SUGCT: variants seen among roughly 807,000 people sequenced by gnomAD.
SUGCT encodes the protein succinyl-CoA:glutarate CoA-transferase.
A neutral mutation model predicts 55.0 loss-of-function variants in SUGCT; 41 were observed. The observed-to-expected ratio is 0.74, with a 90% confidence interval of 0.58 to 0.97. The LOEUF (loss-of-function observed/expected upper bound fraction) is 0.97, where lower values mean the gene tolerates loss of function less well. Among genes scored for constraint, SUGCT ranks in the 50% least tolerant of loss-of-function variants. The pLI, the probability that SUGCT is intolerant of heterozygous loss-of-function variation, is 0.00. For synonymous variants in SUGCT, 187 were observed against 200.4 expected (o/e 0.93, Z 0.56); for missense variants, 568 against 547.8 (o/e 1.04, Z -0.37).
chr7:40,401,667 C>T (rs1407377732), intron 9 of SUGCT, among the ~76,000 whole-genome samples: 1 of 152,120 alleles, frequency 6.6e-6, no homozygotes, highest in African/African-American at 2.4e-5. Context: ...AATGCACTCA[C>T]AATGACCAAA....
chr7:40,346,325 TTTTC>T (rs546257187), intron 9 of SUGCT, among the ~76,000 whole-genome samples: 187 of 152,190 alleles, frequency 1.2e-3, no homozygotes, highest in Admixed American at 1.6e-3. Flanking sequence ...GTATTTAAAT[TTTTC>T]ATAGTTTTTT....
chr7:40,320,522 T>G (rs1357335885), intron 9 of SUGCT, among the ~76,000 whole-genome samples: 1 of 152,244 alleles, frequency 6.6e-6, no homozygotes, highest in Non-Finnish European at 1.5e-5. Context: ...AGAATATATT[T>G]TATTATGTAA....
At chr7:40,681,534 T>C (rs1784244561) in intron 12 of SUGCT, among the ~76,000 whole-genome samples, 1 of 152,160 alleles carries the variant, frequency 6.6e-6, no homozygotes, top group South Asian at 2.1e-4. Context: ...AAGGCATTTA[T>C]TGGCAGAGCT....
At chr7:40,313,412 A>G (rs1251902357) in intron 8 of SUGCT, among the ~76,000 whole-genome samples, 1 of 152,222 alleles carries the variant, frequency 6.6e-6, no homozygotes, top group Non-Finnish European at 1.5e-5. Flanking sequence ...TTTTTCATAC[A>G]TAATCACATC....
At chr7:40,337,201 G>A (rs927536459) in intron 9 of SUGCT, among the ~76,000 whole-genome samples, 1 of 152,218 alleles carries the variant, frequency 6.6e-6, no homozygotes, top group Admixed American at 6.5e-5. Context: ...GTGCTATGTG[G>A]TGCTGAGAAG....
At chr7:40,731,773 A>T (rs957762105) in intron 12 of SUGCT, among the ~76,000 whole-genome samples, 2 of 152,206 alleles carry the variant, frequency 1.3e-5, no homozygotes, top group African/African-American at 2.4e-5. Context: ...GAAACATAGG[A>T]TGAAAACAAT....
the SUGCT span, among the ~76,000 whole-genome samples, chr7:40,988,170 CTTTAAT>C: frequency 4.0e-5 from 6 of 150,770 alleles, no homozygotes; most frequent in Admixed American, 6.6e-5. Flanking sequence ...TTGGTAAAGT[CTTTAAT>C]TTTAATTTTA....
chr7:40,561,256 C>T (rs1346850042), intron 12 of SUGCT, among the ~76,000 whole-genome samples: 1 of 152,180 alleles, frequency 6.6e-6, no homozygotes, highest in Non-Finnish European at 1.5e-5. Context: ...AGTGGCAAGA[C>T]CCATGTATAA....
Position 40,542,649 on chromosome 7 carries a change from C to A in SUGCT, c.1089+46263C>A, listed in dbSNP as rs183060277. 5.2e-4 allele frequency among the ~76,000 whole-genome samples: 79 copies of A among 152,274 alleles called. No homozygotes were observed. In the Middle Eastern group the frequency reaches 0.01, roughly 20 times the overall value. On this transcript the variant is annotated intron_variant, in intron 12 of 13. Coordinates refer to ENST00000335693, the MANE Select transcript of SUGCT (RefSeq NM_001193313.2). ...TGAAATGATGGAGTGGCTGTGCCAA[C>A]ATCAAGCTAAATAAGGAGAAAACAT...
At chr7:40,338,060 A>C (rs556094660) in intron 9 of SUGCT, among the ~76,000 whole-genome samples, 1 of 152,262 alleles carries the variant, frequency 6.6e-6, no homozygotes, top group East Asian at 1.9e-4. Context: ...TTTCTTTAAG[A>C]ATGTTGAATA....
At chr7:40,654,266 G>T (rs1800914409) in intron 12 of SUGCT, among the ~76,000 whole-genome samples, 1 of 151,230 alleles carries the variant, frequency 6.6e-6, no homozygotes, top group Non-Finnish European at 1.5e-5. Flanking sequence ...GAGCTCAGGG[G>T]AAAAAAAAAG....
At chr7:40,806,504 A>G (rs1791099933) in intron 13 of SUGCT, among the ~76,000 whole-genome samples, 1 of 151,862 alleles carries the variant, frequency 6.6e-6, no homozygotes, top group African/African-American at 2.4e-5. Context: ...TTTTCCCTAC[A>G]TTTTATAACA....
chr7:40,161,222 C>T (rs1003289083), intron 1 of SUGCT, among the ~76,000 whole-genome samples: 4 of 152,208 alleles, frequency 2.6e-5, no homozygotes, highest in Non-Finnish European at 5.9e-5. Flanking sequence ...CAGAGTTGCT[C>T]ACTGGAAGCT....
At chr7:40,178,602 G>T (rs1785035926) in intron 1 of SUGCT, among the ~76,000 whole-genome samples, 1 of 151,358 alleles carries the variant, frequency 6.6e-6, no homozygotes, top group South Asian at 2.1e-4. Context: ...GAAATTCAAT[G>T]TCCTCCTGAT....
At chr7:40,671,311 ACT>A (rs982669145) in intron 12 of SUGCT, among the ~76,000 whole-genome samples, 3 of 152,290 alleles carry the variant, frequency 2.0e-5, no homozygotes, top group African/African-American at 7.2e-5. Context: ...TCATTATAAG[ACT>A]CTCGGAAAAG....
At chr7:40,902,617 AAGAATTAATGAG>A in the SUGCT span, among the ~76,000 whole-genome samples, 6 of 151,854 alleles carry the variant, frequency 4.0e-5, no homozygotes, top group Non-Finnish European at 5.9e-5. Context: ...CAAAACCACA[AAGAATTAATGAG>A]AGCAGCCTAT....
rs367604896 is a variant in SUGCT at position 40,439,072 on chromosome 7, A to ATGTGTGTGTG, written c.817-10214_817-10213insGTGTGTGTGT. On this transcript the variant is annotated intron_variant, in intron 9 of 13. Coordinates refer to ENST00000335693, the MANE Select transcript of SUGCT (RefSeq NM_001193313.2). ...TATGGTATATATATGGTGTATATAT[A>ATGTGTGTGTG]TATATATATATATATATATATATAT... Among the ~76,000 whole-genome samples, 153 of 51,398 alleles carry ATGTGTGTGTG rather than the reference A, an allele frequency of 3.0e-3. 10 individuals are homozygous for ATGTGTGTGTG. The highest frequency in any genetic ancestry group is 4.7e-3 in the Non-Finnish European group (123 of 26,062). 33.7% of individuals were successfully genotyped at this position (51,398 alleles called of 152,430 possible).
chr7:40,512,515 G>T (rs1792984477), intron 12 of SUGCT, among the ~76,000 whole-genome samples: 1 of 152,152 alleles, frequency 6.6e-6, no homozygotes, highest in Non-Finnish European at 1.5e-5. Flanking sequence ...CGTTTACTCA[G>T]TGGGTGACTT....
At chr7:40,985,068 C>T in the SUGCT span, among the ~76,000 whole-genome samples, 109,127 of 152,108 alleles carry the variant, frequency 0.72, 40,002 homozygotes, top group Middle Eastern at 0.82. Flanking sequence ...AGTAATAACC[C>T]TTGATGTTCT....
Sources: gnomAD v4.1 joint callset for allele counts (sites outside exome capture counted in the v4.1 genomes callset) on GRCh38, gnomAD v4.1.1 for gene constraint, MANE v1.5 for transcripts, NCBI Gene and HGNC (gene_info 2026-07-23, HGNC 2026-07-21) for gene names.